The following CES5A variants were observed in gnomAD, a reference collection of about 807,000 sequenced individuals.
The protein encoded by CES5A is carboxylesterase 5.
A neutral mutation model predicts 62.9 loss-of-function variants in CES5A; 67 were observed. That is an observed-to-expected ratio of 1.07 (90% CI 0.88 to 1.31). The LOEUF (loss-of-function observed/expected upper bound fraction) is 1.31. CES5A is among the 50% of genes most tolerant of loss of function. The probability of loss-of-function intolerance (pLI) is 0.00; values close to 1 mark genes in which losing one functional copy is unlikely to be tolerated. For missense variants in CES5A, 748 were observed against 708.5 expected, an observed-to-expected ratio of 1.06 and a Z score of -0.63; for synonymous variants, 296 against 280.8, an observed-to-expected ratio of 1.05 and a Z score of -0.54.
chr16:55,895,204 T>C (rs565483403), intron 1 of CES5A, among the ~76,000 whole-genome samples: 2 of 151,478 alleles, frequency 1.3e-5, no homozygotes, highest in African/African-American at 2.4e-5. Context: ...ATTTGGTTGT[T>C]TTTTTTTCCC....
chr16:55,937,541 C>T (rs1456466273), intron 2 of CES5A, among the ~76,000 whole-genome samples: 1 of 151,652 alleles, frequency 6.6e-6, no homozygotes, highest in East Asian at 1.9e-4. Flanking sequence ...AAAACAAAAC[C>T]AAAAAAAACA....
chr16:55,868,703 G>A (rs1306348246), intron 4 of CES5A, among the ~76,000 whole-genome samples: 1 of 152,180 alleles, frequency 6.6e-6, no homozygotes, highest in Non-Finnish European at 1.5e-5. Flanking sequence ...TGACCCGCAA[G>A]CATAATCCTG....
chr16:55,866,008 C>T lies in CES5A; in HGVS notation c.660G>A (p.Val220=). ...IEFFGGDPSS[V]TIFGESAGAI... Reference sequence around the variant, plus strand: ...CTCCCGCGGACTCGCCAAAGATGGTCACAGAGCTGGGGTCCCCACCGAAGA... The same window carrying T: ...CTCCCGCGGACTCGCCAAAGATGGTTACAGAGCTGGGGTCCCCACCGAAGA... Residue 220 remains valine (V), a synonymous_variant, in exon 5 of 13, where the codon GTG becomes GTA. Coordinates refer to ENST00000290567, the MANE Select transcript of CES5A (RefSeq NM_001143685.2). The T allele has an allele frequency of 6.2e-7, 1 of 1,614,204 alleles. No homozygotes were observed. The highest frequency in any genetic ancestry group is 8.5e-7 in the Non-Finnish European group (1 of 1,180,034).
At position 55,848,088 on chromosome 16, in the gene CES5A, A is replaced by T. The variant is rs1446653208; in HGVS notation, c.1424-1248T>A. ...ACCACACCTGGCTAAGACTACACAC[A>T]TTTTTTTTTATTTTGTAAAAATAAA... On this transcript the variant is annotated intron_variant, in intron 11 of 12. Coordinates refer to ENST00000290567, the MANE Select transcript of CES5A (RefSeq NM_001143685.2). 2.7e-5 allele frequency among the ~76,000 whole-genome samples: 4 copies of T among 150,788 alleles called. 1 individual carries two copies. The highest frequency in any genetic ancestry group is 5.9e-5 in the Non-Finnish European group (4 of 67,678).
intron 2 of CES5A, among the ~76,000 whole-genome samples, chr16:55,931,723 C>A (rs879359554): frequency 6.6e-6 from 1 of 152,190 alleles, no homozygotes; most frequent in African/African-American, 2.4e-5. Flanking sequence ...AACCTTCCCC[C>A]AAATTAGGTT....
rs1328064966 is a variant in CES5A, at chr16:55,849,613, CAGTCCCTTACCGA to C, written c.1421_1423+10del. On this transcript the variant is annotated splice_donor_variant and splice_donor_5th_base_variant and coding_sequence_variant and intron_variant, in exon 11 of 13. Coordinates refer to ENST00000290567, the MANE Select transcript of CES5A (RefSeq NM_001143685.2). LOFTEE classifies it high-confidence loss of function. Reference sequence around the variant, plus strand: ...CTTCATGTGAACTGTGGGAAGTGGCCAGTCCCTTACCGAACATAACAATGTCCCCCTTCAGGAA... The same window carrying C: ...CTTCATGTGAACTGTGGGAAGTGGCCACATAACAATGTCCCCCTTCAGGAA... The C allele has an allele frequency of 1.1e-5, 18 of 1,613,658 alleles. No homozygotes were observed. The highest frequency in any genetic ancestry group is 1.4e-5 in the Non-Finnish European group (17 of 1,179,704).
At chr16:55,920,512 G>C (rs1017918901) in intron 1 of CES5A, among the ~76,000 whole-genome samples, 2 of 152,156 alleles carry the variant, frequency 1.3e-5, no homozygotes, top group Admixed American at 6.5e-5. Flanking sequence ...TCCCCTTTGA[G>C]ACCCCCCCAT....
intron 1 of CES5A, among the ~76,000 whole-genome samples, chr16:55,885,118 G>A (rs1433051867): frequency 6.6e-6 from 1 of 152,108 alleles, no homozygotes; most frequent in Non-Finnish European, 1.5e-5. Context: ...GCCATACCTG[G>A]CCTACTCTAC....
intron 11 of CES5A, among the ~76,000 whole-genome samples, chr16:55,847,537 CA>C (rs1416790934): frequency 6.6e-6 from 1 of 152,112 alleles, no homozygotes; most frequent in African/African-American, 2.4e-5. Context: ...TGCAGATGCC[CA>C]GTGACGAGCC....
chr16:55,949,773 CA>C, intron 2 of CES5A: 1 of 1,379,742 alleles, frequency 7.2e-7, no homozygotes, highest in Non-Finnish European at 9.7e-7. Context: ...AAATTCTTGT[CA>C]AACAACTCAC....
chr16:55,933,869 A>G (rs2034339290), intron 2 of CES5A, among the ~76,000 whole-genome samples: 1 of 152,144 alleles, frequency 6.6e-6, no homozygotes, highest in African/African-American at 2.4e-5. Flanking sequence ...GCAATGGTCT[A>G]CAAAGGCCTA....
chr16:55,855,655 G>C (rs750592705), intron 9 of CES5A, among the ~76,000 whole-genome samples: 2 of 152,194 alleles, frequency 1.3e-5, no homozygotes, highest in Non-Finnish European at 2.9e-5. Flanking sequence ...AGAAACATCT[G>C]AATAGTGGGA....
At chr16:55,909,756 C>T (rs2034075111) in intron 1 of CES5A, among the ~76,000 whole-genome samples, 1 of 152,164 alleles carries the variant, frequency 6.6e-6, no homozygotes, top group South Asian at 2.1e-4. Context: ...GCACTGGCTG[C>T]CTGGGAAAGT....
intron 1 of CES5A, among the ~76,000 whole-genome samples, chr16:55,905,370 A>G (rs1473565713): frequency 6.8e-6 from 1 of 146,430 alleles, no homozygotes; most frequent in East Asian, 2.0e-4. Context: ...TTTAAATCTG[A>G]CTTTTTTTTT....
At chr16:55,888,092 C>T (rs2033836156) in intron 1 of CES5A, among the ~76,000 whole-genome samples, 2 of 152,102 alleles carry the variant, frequency 1.3e-5, no homozygotes, top group South Asian at 4.1e-4. Flanking sequence ...TGTAGCTTAC[C>T]TGCTTTTTCT....
chr16:55,852,148 T>C (rs1220563058), intron 10 of CES5A, among the ~76,000 whole-genome samples: 4 of 152,222 alleles, frequency 2.6e-5, no homozygotes, highest in Non-Finnish European at 5.9e-5. Flanking sequence ...TACAACAATA[T>C]GAATGTACTT....
chr16:55,888,020 A>G (rs1246414096), intron 1 of CES5A, among the ~76,000 whole-genome samples: 4 of 152,184 alleles, frequency 2.6e-5, no homozygotes, highest in Non-Finnish European at 5.9e-5. Flanking sequence ...ACCTGGACAT[A>G]GGAATATTGT....
chr16:55,887,286 A>G (rs1184038834), intron 1 of CES5A, among the ~76,000 whole-genome samples: 1 of 151,866 alleles, frequency 6.6e-6, no homozygotes, highest in Non-Finnish European at 1.5e-5. Context: ...TCCACGGGTC[A>G]ACAGTTGACC....
At chr16:55,908,508 G>A (rs1198081564) in intron 1 of CES5A, among the ~76,000 whole-genome samples, 2 of 152,154 alleles carry the variant, frequency 1.3e-5, no homozygotes, top group African/African-American at 4.8e-5. Context: ...TTAGAGGCAT[G>A]AGCCACCATG....
Sources: gnomAD v4.1 joint callset for allele counts (sites outside exome capture counted in the v4.1 genomes callset) on GRCh38, gnomAD v4.1.1 for gene constraint, MANE v1.5 for transcripts, NCBI Gene and HGNC (gene_info 2026-07-23, HGNC 2026-07-21) for gene names.